Variants in ELMOD2 observed in about 807,000 individuals in gnomAD.
ELMOD2 encodes the protein ELMO domain-containing protein 2.
ELMOD2 carries 28 observed loss-of-function variants against 41.0 expected under a neutral mutation model. The observed-to-expected ratio is 0.68, with a 90% confidence interval of 0.51 to 0.94. The LOEUF is 0.94. ELMOD2 is among the 40% of genes least tolerant of loss of function. The pLI is 0.00. For missense variants in ELMOD2, 333 were observed against 343.1 expected, an observed-to-expected ratio of 0.97 and a Z score of 0.23; for synonymous variants, 106 against 107.2, an observed-to-expected ratio of 0.99 and a Z score of 0.07.
intron 8 of ELMOD2, among the ~76,000 whole-genome samples, chr4:140,544,889 G>A (rs1735223271): frequency 6.6e-6 from 1 of 152,064 alleles, no homozygotes; most frequent in Non-Finnish European, 1.5e-5. Flanking sequence ...TGTTGTTCTA[G>A]GCCCTGGGGA....
chr4:140,525,875 A>G (rs1245356341), intron 2 of ELMOD2, among the ~76,000 whole-genome samples: 2 of 152,216 alleles, frequency 1.3e-5, no homozygotes, highest in Non-Finnish European at 2.9e-5. Context: ...AATCCCTTTG[A>G]AATTTTCACT....
At chr4:140,530,480 A>G (rs1252004763) in intron 3 of ELMOD2, among the ~76,000 whole-genome samples, 2 of 152,200 alleles carry the variant, frequency 1.3e-5, no homozygotes, top group Non-Finnish European at 2.9e-5. Flanking sequence ...ATTTTAAAGT[A>G]GTGGTTACAA....
chr4:140,549,244 C>T (rs572908225), intron 8 of ELMOD2, among the ~76,000 whole-genome samples: 3 of 151,960 alleles, frequency 2.0e-5, no homozygotes, highest in African/African-American at 4.8e-5. Context: ...CATATTAGCT[C>T]ATTTATTTTT....
Position 140,536,635 on chromosome 4 carries a change from C to G in ELMOD2, c.270-777C>G, listed in dbSNP as rs557914565. ...AAATGAGTGAAATGCTAGATTGATA[C>G]ATTGCAGAGTCTTGTATGCCATACT... On this transcript the variant is annotated intron_variant, in intron 4 of 8. Coordinates refer to ENST00000323570, the MANE Select transcript of ELMOD2 (RefSeq NM_153702.4). 4.6e-5 allele frequency among the ~76,000 whole-genome samples: 7 copies of G among 152,272 alleles called. No homozygotes were observed. The East Asian group carries it at 1.3e-3, about 29-fold the overall frequency.
At chr4:140,546,655 T>A (rs1489182201) in intron 8 of ELMOD2, among the ~76,000 whole-genome samples, 2 of 150,568 alleles carry the variant, frequency 1.3e-5, no homozygotes, top group Non-Finnish European at 3.0e-5. Flanking sequence ...AATTAAGCAG[T>A]TTCCCATATC....
At chr4:140,540,540 A>C (rs1437008295) in intron 6 of ELMOD2, among the ~76,000 whole-genome samples, 1 of 152,024 alleles carries the variant, frequency 6.6e-6, no homozygotes, top group Non-Finnish European at 1.5e-5. Context: ...GATCACTTGA[A>C]GCCAGAAGTT....
At chr4:140,537,835 A>G (rs1393496049) in intron 5 of ELMOD2, among the ~76,000 whole-genome samples, 1 of 151,436 alleles carries the variant, frequency 6.6e-6, no homozygotes, top group Non-Finnish European at 1.5e-5. Flanking sequence ...ATAAAAACCT[A>G]TAGAGATCTT....
At chr4:140,528,297 G>A (rs1464217644) in intron 3 of ELMOD2, among the ~76,000 whole-genome samples, 1 of 152,148 alleles carries the variant, frequency 6.6e-6, no homozygotes, top group African/African-American at 2.4e-5. Flanking sequence ...CAATAATTCA[G>A]TCTACCACAT....
intron 8 of ELMOD2, among the ~76,000 whole-genome samples, chr4:140,545,180 T>G (rs905579831): frequency 6.6e-6 from 1 of 152,180 alleles, no homozygotes; most frequent in African/African-American, 2.4e-5. Context: ...TTTCTTCATG[T>G]TATTTGATCC....
intron 3 of ELMOD2, among the ~76,000 whole-genome samples, chr4:140,530,871 TA>T (rs200935219): frequency 6.6e-6 from 1 of 152,132 alleles, no homozygotes; most frequent in Non-Finnish European, 1.5e-5. Context: ...TTTTATTCGA[TA>T]AAAAAGTCTG....
Position 140,547,004 on chromosome 4 carries a change from A to G in ELMOD2, c.737-3226A>G, listed in dbSNP as rs557094152. Among the ~76,000 whole-genome samples, 11 of 152,324 alleles carry G rather than the reference A, an allele frequency of 7.2e-5. No individual in the cohort carries two copies. In the South Asian group the frequency reaches 2.3e-3, roughly 32 times the overall value. ...TGTACCTTTTAAGCAGAAGTTTCCC[A>G]AAAACTTCATTCTTATACCCATTAC... On this transcript the variant is annotated intron_variant, in intron 8 of 8. Transcript: ENST00000323570.
chr4:140,535,864 G>A (rs778061649), intron 4 of ELMOD2, 34 bp downstream of exon 4: 3 of 1,565,954 alleles, frequency 1.9e-6, no homozygotes, highest in Non-Finnish European at 2.6e-6. Flanking sequence ...TTTTTATTAT[G>A]CATTTATAGC....
chr4:140,545,156 C>T (rs1045512598), intron 8 of ELMOD2, among the ~76,000 whole-genome samples: 1 of 152,180 alleles, frequency 6.6e-6, no homozygotes, highest in Non-Finnish European at 1.5e-5. Flanking sequence ...CCGCCTAATA[C>T]AATCGCCATG....
At chr4:140,525,736 A>C (rs922502553) in intron 2 of ELMOD2, among the ~76,000 whole-genome samples, 166 bp downstream of exon 2, 1 of 152,222 alleles carries the variant, frequency 6.6e-6, no homozygotes, top group Non-Finnish European at 1.5e-5. Context: ...AAATTGTATG[A>C]ATTTATAGAA....
At chr4:140,534,159 G>A (rs1036957657) in intron 3 of ELMOD2, among the ~76,000 whole-genome samples, 3 of 152,080 alleles carry the variant, frequency 2.0e-5, no homozygotes, top group African/African-American at 7.2e-5. Context: ...TCCAGTACCA[G>A]GAGAATGAAT....
chr4:140,549,571 T>C (rs1735401787), intron 8 of ELMOD2, among the ~76,000 whole-genome samples: 1 of 150,426 alleles, frequency 6.6e-6, no homozygotes, highest in Admixed American at 6.6e-5. Context: ...GAGTAGGAAA[T>C]AACTTTCCTA....
At chr4:140,538,501 A>T (rs1333476178) in intron 5 of ELMOD2, among the ~76,000 whole-genome samples, 1 of 152,160 alleles carries the variant, frequency 6.6e-6, no homozygotes, top group Non-Finnish European at 1.5e-5. Flanking sequence ...GGGTTATTGT[A>T]TGGAGGAGTT....
chr4:140,535,009 CT>C (rs1734868109), intron 3 of ELMOD2, among the ~76,000 whole-genome samples: 1 of 152,152 alleles, frequency 6.6e-6, no homozygotes, highest in South Asian at 2.1e-4. Context: ...TCTTCCTGTA[CT>C]CATATTATCT....
Position 140,543,529 on chromosome 4 carries a change from CA to C in ELMOD2, c.680del (p.His227LeufsTer61). The part of the protein sequence containing the change: ...SLLKSEALKF[H>X]LYNLVPGIPT... ...ACTGAAGAGTGAAGCTTTGAAGTTT[CA>C]TCTCTATAACCTTGTTCCTGGTATA... is the stretch of plus-strand genomic sequence containing the variant. On this transcript the variant is annotated frameshift_variant, in exon 8 of 9. Coordinates refer to ENST00000323570, the MANE Select transcript of ELMOD2 (RefSeq NM_153702.4). LOFTEE classifies it high-confidence loss of function. 1 of 1,607,002 alleles carries C rather than the reference CA, an allele frequency of 6.2e-7. No homozygotes were observed. The highest frequency in any genetic ancestry group is 1.1e-5 in the South Asian group (1 of 89,580).
Sources: gnomAD v4.1 joint callset for allele counts (sites outside exome capture counted in the v4.1 genomes callset) on GRCh38, gnomAD v4.1.1 for gene constraint, MANE v1.5 for transcripts, NCBI Gene and HGNC (gene_info 2026-07-23, HGNC 2026-07-21) for gene names.